Variants in RHOT1 observed in about 807,000 individuals in gnomAD.
The protein encoded by RHOT1 is ras homolog family member T1, also known as mitochondrial Rho GTPase 1.
A neutral mutation model predicts 95.3 loss-of-function variants in RHOT1; 27 were observed. The ratio of observed to expected loss-of-function variants is 0.28; its 90% CI spans 0.21 to 0.39. The LOEUF (loss-of-function observed/expected upper bound fraction) is 0.39, where lower values mean the gene tolerates loss of function less well. Among genes scored for constraint, RHOT1 ranks in the 10% least tolerant of loss-of-function variants. RHOT1 has a pLI of 1.00. For missense variants in RHOT1, 578 were observed against 786.7 expected, an observed-to-expected ratio of 0.73 and a Z score of 3.17; for synonymous variants, 227 against 263.5, an observed-to-expected ratio of 0.86 and a Z score of 1.34.
intron 8 of RHOT1, among the ~76,000 whole-genome samples, chr17:32,190,433 C>T (rs552985929): frequency 1.5e-4 from 22 of 151,504 alleles, no homozygotes; most frequent in South Asian, 4.2e-4. Flanking sequence ...CCAGCCTAGG[C>T]GACAGAGCAA....
At chr17:32,182,620 C>A in intron 6 of RHOT1, 137 bp from the exon 7 acceptor site, 1 of 588,874 alleles carries the variant, frequency 1.7e-6, no homozygotes, top group Non-Finnish European at 2.9e-6. Context: ...GGGGGCTCAA[C>A]CTGACTGTAG....
intron 19 of RHOT1, chr17:32,222,770 G>A (rs1278134275): frequency 5.3e-6 from 4 of 759,340 alleles, no homozygotes; most frequent in Non-Finnish European, 6.4e-6. Context: ...TTAAGAGCCC[G>A]GATAGCTGAG....
intron 9 of RHOT1, 35 bp downstream of exon 9, chr17:32,192,334 T>A: frequency 5.6e-4 from 111 of 199,154 alleles, no homozygotes; most frequent in Non-Finnish European, 7.9e-4. Context: ...TTGCGTATCT[T>A]TTTTTTTTTT....
intron 6 of RHOT1, among the ~76,000 whole-genome samples, chr17:32,176,769 G>A (rs146949489): frequency 6.6e-6 from 1 of 151,756 alleles, no homozygotes; most frequent in Non-Finnish European, 1.5e-5. Flanking sequence ...AGAGGGTTTC[G>A]CACGTTGGTC....
chr17:32,172,114 CTAGTT>C (rs1325330916), intron 2 of RHOT1, among the ~76,000 whole-genome samples: 2 of 152,082 alleles, frequency 1.3e-5, no homozygotes, highest in African/African-American at 2.4e-5. Flanking sequence ...TTCCTTTACT[CTAGTT>C]TAGATAGGAA....
At chr17:32,146,598 A>G (rs982608127) in intron 1 of RHOT1, among the ~76,000 whole-genome samples, 1 of 146,890 alleles carries the variant, frequency 6.8e-6, no homozygotes, top group Non-Finnish European at 1.5e-5. Flanking sequence ...GGTGCCCACC[A>G]CCACGCCCGG....
At chr17:32,196,031 A>G (rs1245096498) in intron 11 of RHOT1, among the ~76,000 whole-genome samples, 2 of 152,216 alleles carry the variant, frequency 1.3e-5, no homozygotes, top group East Asian at 3.9e-4. Context: ...TTTCTGCAAA[A>G]TAACTCCCTG....
At chr17:32,210,317 C>T (rs551028732) in intron 18 of RHOT1, among the ~76,000 whole-genome samples, 6 of 152,178 alleles carry the variant, frequency 3.9e-5, no homozygotes, top group South Asian at 2.1e-4. Flanking sequence ...TAGTTAGAGC[C>T]GAGGTGAAAT....
intron 1 of RHOT1, chr17:32,150,636 G>T: frequency 1.9e-6 from 3 of 1,591,900 alleles, no homozygotes; most frequent in African/African-American, 2.7e-5. Flanking sequence ...ACAGACAGTG[G>T]AAAGAAGAGC....
rs2037513821 is a variant in RHOT1, at chr17:32,203,983, T to G, written c.1416+10T>G. 5 of 1,577,106 alleles carry G rather than the reference T, an allele frequency of 3.2e-6. No homozygotes were observed. On this transcript the variant is annotated intron_variant, in intron 16 of 19. Transcript: ENST00000545287. ...AGAGAAATACTTGTTGGTAAGAAATTCTGTGGCATACAAAAATTACTAATT... is the reference window on the plus strand; with the variant it reads ...AGAGAAATACTTGTTGGTAAGAAATGCTGTGGCATACAAAAATTACTAATT...
chr17:32,218,506 G>GAAAA (rs371495186), intron 19 of RHOT1, among the ~76,000 whole-genome samples: 1 of 104,514 alleles, frequency 9.6e-6, no homozygotes, highest in Non-Finnish European at 2.0e-5. Flanking sequence ...GATCCTGTCT[G>GAAAA]AAAAAAAAAA....
intron 1 of RHOT1, among the ~76,000 whole-genome samples, chr17:32,155,412 G>C (rs2142402680): frequency 6.6e-6 from 1 of 151,848 alleles, no homozygotes; most frequent in South Asian, 2.1e-4. Flanking sequence ...TGCCAGCCTT[G>C]GCCTCCCAAA....
intron 1 of RHOT1, among the ~76,000 whole-genome samples, chr17:32,161,263 G>A (rs974279017): frequency 1.3e-5 from 2 of 152,300 alleles, no homozygotes; most frequent in East Asian, 1.9e-4. Context: ...TGTGGAAAAC[G>A]TTCCTCGTGC....
chr17:32,176,707 G>A (rs186633081), intron 6 of RHOT1, among the ~76,000 whole-genome samples: 48 of 151,910 alleles, frequency 3.2e-4, no homozygotes, highest in Middle Eastern at 3.4e-3. Flanking sequence ...TGAGTAACTG[G>A]GACTGCAGGC....
chr17:32,197,717 C>T (rs945143827), intron 11 of RHOT1, among the ~76,000 whole-genome samples: 6 of 152,244 alleles, frequency 3.9e-5, no homozygotes, highest in Admixed American at 1.3e-4. Flanking sequence ...CGTGAGCCAC[C>T]GTGCCTGGCC....
chr17:32,210,487 G>A (rs571393620), intron 18 of RHOT1, among the ~76,000 whole-genome samples: 1 of 152,136 alleles, frequency 6.6e-6, no homozygotes, highest in African/African-American at 2.4e-5. Flanking sequence ...GCTGTGTTTG[G>A]GTAGCAGATG....
rs141726923 is a variant in RHOT1 at position 32,203,360 on chromosome 17, C to T, written c.1332+460C>T. ...ACATGATCATGGCTCACTGCAGCCT[C>T]AACCACCTGGGCTTAGGTGATCCTC... On this transcript the variant is annotated intron_variant, in intron 15 of 19. Transcript: ENST00000545287. Among the ~76,000 whole-genome samples the T allele has an allele frequency of 6.3e-3, 920 of 145,480 alleles. 25 individuals are homozygous for T. The highest frequency in any genetic ancestry group is 0.048 in the East Asian group (228 of 4,746).
chr17:32,185,298 T>C (rs1598388168), intron 8 of RHOT1, among the ~76,000 whole-genome samples: 5 of 152,002 alleles, frequency 3.3e-5, no homozygotes, highest in Admixed American at 6.6e-5. Flanking sequence ...TTAATAGTTA[T>C]GGGGTTTCTC....
intron 8 of RHOT1, among the ~76,000 whole-genome samples, chr17:32,183,986 C>T (rs1299602285): frequency 6.6e-6 from 1 of 152,158 alleles, no homozygotes; most frequent in Admixed American, 6.5e-5. Context: ...GCGCCCAGCC[C>T]CTTTTGTTTT....
Sources: allele counts gnomAD v4.1 joint callset (sites outside exome capture counted in the v4.1 genomes callset), GRCh38; gene constraint gnomAD v4.1.1; transcripts MANE v1.5; gene names NCBI Gene and HGNC (gene_info 2026-07-23, HGNC 2026-07-21).